DCX: variants seen among roughly 807,000 people sequenced by gnomAD.
The protein encoded by DCX is neuronal migration protein doublecortin.
In DCX, 4 loss-of-function variants were observed where a neutral mutation model predicts 20.9. That is an observed-to-expected ratio of 0.19 (90% CI 0.09 to 0.44). DCX has a LOEUF of 0.44. DCX is among the 20% of genes least tolerant of loss of function. DCX has a pLI of 0.99. For missense variants in DCX, 133 were observed against 296.9 expected, an observed-to-expected ratio of 0.45 and a Z score of 4.06; for synonymous variants, 103 against 111.4, an observed-to-expected ratio of 0.92 and a Z score of 0.47.
At position 111,304,192 on chromosome X, in the gene DCX, A is replaced by C. The variant is rs765427633; in HGVS notation, c.1045-2449T>G. Among the ~76,000 whole-genome samples the C allele has an allele frequency of 9.8e-5, 11 of 112,437 alleles. No individual in the cohort carries two copies. The East Asian group carries it at 2.5e-3, about 26-fold the overall frequency. On this transcript the variant is annotated intron_variant, in intron 6 of 6. Transcript: ENST00000636035. ...GAAGGGATTAATTCTGAAGTACTGG[A>C]GTAAAGTGAACATAGTCAAAAGTAT...
chrX:111,392,480 A>T (rs1207694326), intron 3 of DCX, among the ~76,000 whole-genome samples: 1 of 111,914 alleles, frequency 8.9e-6, no homozygotes, highest in Non-Finnish European at 1.9e-5. Context: ...AACAAAGTAC[A>T]GATAGATACA....
chrX:111,352,668 A>C (rs1440847908), intron 3 of DCX, among the ~76,000 whole-genome samples: 1 of 111,574 alleles, frequency 9.0e-6, no homozygotes, highest in Admixed American at 9.5e-5. Context: ...TCATTTCATT[A>C]GGGAACACCA....
chrX:111,306,367 A>G (rs764334091), intron 6 of DCX, among the ~76,000 whole-genome samples: 1 of 112,125 alleles, frequency 8.9e-6, no homozygotes, highest in Non-Finnish European at 1.9e-5. Flanking sequence ...AAAAGAGTCA[A>G]TATATCCAGA....
chrX:111,380,146 A>G (rs1925858000), intron 3 of DCX, among the ~76,000 whole-genome samples: 3 of 111,717 alleles, frequency 2.7e-5, no homozygotes, highest in Admixed American at 9.5e-5. Flanking sequence ...TTTCCACTTT[A>G]TTGATGTATC....
At chrX:111,363,684 T>A (rs1924388911) in intron 3 of DCX, among the ~76,000 whole-genome samples, 1 of 111,239 alleles carries the variant, frequency 9.0e-6, no homozygotes, top group African/African-American at 3.3e-5. Context: ...CTAGTTTTAT[T>A]CTTTAGCCAC....
rs139147347 is a variant in DCX at position 111,397,906 on chromosome X, A to T, written c.705+3084T>A. 2.7e-5 allele frequency among the ~76,000 whole-genome samples: 3 copies of T among 110,514 alleles called. No homozygotes were observed. The East Asian group carries it at 8.6e-4, about 32-fold the overall frequency. The stretch of plus-strand genomic sequence containing the variant: ...ATGTTTGTGGTTAAGTAGGATTGGG[A>T]TGGATTTCCTTGCTGTAGAACTTCT... On this transcript the variant is annotated intron_variant, in intron 3 of 6. Coordinates refer to ENST00000636035, the MANE Select transcript of DCX (RefSeq NM_001195553.2).
intron 5 of DCX, among the ~76,000 whole-genome samples, chrX:111,328,724 A>G (rs1444101725): frequency 1.8e-5 from 2 of 111,580 alleles, no homozygotes; most frequent in Admixed American, 9.6e-5. Flanking sequence ...ACAAAAGGCA[A>G]TACATCTTGT....
At chrX:111,323,603 G>GTTTTTTTTTTTTTTTTT (rs780794851) in intron 5 of DCX, among the ~76,000 whole-genome samples, 1 of 52,179 alleles carries the variant, frequency 1.9e-5, no homozygotes, top group Non-Finnish European at 3.6e-5. Context: ...TATTATTTCT[G>GTTTTTTTTTTTTTTTTT]TTTTTTTTTT....
chrX:111,376,703 G>C (rs1297652922), intron 3 of DCX, among the ~76,000 whole-genome samples: 1 of 111,773 alleles, frequency 8.9e-6, no homozygotes, highest in Non-Finnish European at 1.9e-5. Flanking sequence ...ATGAGGTGAA[G>C]CCTGACAATC....
intron 3 of DCX, among the ~76,000 whole-genome samples, chrX:111,384,152 C>T (rs1476639483): frequency 9.0e-6 from 1 of 111,315 alleles, no homozygotes; most frequent in Non-Finnish European, 1.9e-5. Flanking sequence ...CTGACTTTAG[C>T]CTTTATACCT....
intron 3 of DCX, among the ~76,000 whole-genome samples, chrX:111,371,928 A>ATG (rs1447109442): frequency 1.7e-5 from 1 of 57,471 alleles, no homozygotes; most frequent in African/African-American, 4.8e-5. Flanking sequence ...ATATAGATAT[A>ATG]TGTGTACACA....
intron 3 of DCX, among the ~76,000 whole-genome samples, chrX:111,343,150 T>TA (rs1235024263): frequency 3.9e-5 from 4 of 102,223 alleles, no homozygotes; most frequent in African/African-American, 1.4e-4. Flanking sequence ...TTTTTTTTTT[T>TA]AATTAACAAA....
At chrX:111,322,677 G>A (rs779690320) in intron 5 of DCX, among the ~76,000 whole-genome samples, 4 of 111,887 alleles carry the variant, frequency 3.6e-5, no homozygotes, top group Non-Finnish European at 7.5e-5. Context: ...GATTGCTTTG[G>A]CTAATTGTTT....
rs1326474094 is a variant in DCX at position 111,298,611 on chromosome X, C to T, written c.*3076G>A. On this transcript the variant is annotated 3_prime_UTR_variant, in exon 7 of 7. Transcript: ENST00000636035. ...CAGCTGTGTGACCTTGGGGAAATTACTTTACCTCTGTGTCTCGGTTTCCTG... is the reference window on the plus strand; with the variant it reads ...CAGCTGTGTGACCTTGGGGAAATTATTTTACCTCTGTGTCTCGGTTTCCTG... The T allele has an allele frequency of 2.7e-5, 3 of 111,986 alleles. No homozygotes were observed. The highest frequency in any genetic ancestry group is 4.7e-3 in the Middle Eastern group (1 of 215). The allele number at this position is 111,986 out of a possible 1,213,427, so 9.2% of individuals were successfully genotyped here.
chrX:111,347,276 T>G (rs1052865117), intron 3 of DCX, among the ~76,000 whole-genome samples: 6 of 111,957 alleles, frequency 5.4e-5, no homozygotes, highest in Non-Finnish European at 9.4e-5. Flanking sequence ...GAGATGAAAC[T>G]GACTTGCTTA....
Position 111,312,857 on chromosome X carries a change from TTG to T in DCX, c.947-123_947-122del. 3 of 665,477 alleles carry T rather than the reference TTG, an allele frequency of 4.5e-6. No homozygotes were observed. The East Asian group carries it at 1.0e-4, about 23-fold the overall frequency. 54.8% of individuals were successfully genotyped at this position (665,477 alleles called of 1,213,427 possible). On this transcript the variant is annotated intron_variant, in intron 5 of 6. Transcript: ENST00000636035. ...CAAGGTACACAGACAACCAAGTGATTTGGTGAGTAGAACAAAGGTGAAAAGAA... is the reference window on the plus strand; with the variant it reads ...CAAGGTACACAGACAACCAAGTGATTGTGAGTAGAACAAAGGTGAAAAGAA...
chrX:111,338,043 G>A (rs1369924281), intron 3 of DCX, among the ~76,000 whole-genome samples: 3 of 112,157 alleles, frequency 2.7e-5, no homozygotes, highest in Non-Finnish European at 3.8e-5. Context: ...TGAAGGATGA[G>A]TGGGATATAG....
intron 5 of DCX, among the ~76,000 whole-genome samples, chrX:111,316,663 T>C (rs2095073342): frequency 9.0e-6 from 1 of 111,486 alleles, no homozygotes; most frequent in African/African-American, 3.3e-5. Flanking sequence ...TGATTCTATA[T>C]CTAGAAAACC....
At chrX:111,366,088 A>G (rs758966281) in intron 3 of DCX, among the ~76,000 whole-genome samples, 34 of 112,276 alleles carry the variant, frequency 3.0e-4, no homozygotes, top group African/African-American at 1.1e-3. Flanking sequence ...AATTAGCGTA[A>G]TGTCATTATA....
Sources: gnomAD v4.1 joint callset for allele counts (sites outside exome capture counted in the v4.1 genomes callset) on GRCh38, gnomAD v4.1.1 for gene constraint, MANE v1.5 for transcripts, NCBI Gene and HGNC (gene_info 2026-07-23, HGNC 2026-07-21) for gene names.